Variants in MSRA observed in about 807,000 individuals in gnomAD.
MSRA encodes the protein mitochondrial peptide methionine sulfoxide reductase.
In MSRA, 54 loss-of-function variants were observed where a neutral mutation model predicts 31.3. The ratio of observed to expected loss-of-function variants is 1.73; its 90% CI spans 1.39 to 2.17. The LOEUF is 2.17. MSRA is among the 30% of genes most tolerant of loss of function. The pLI is 0.00. For missense variants in MSRA, 507 were observed against 300.9 expected, an observed-to-expected ratio of 1.69 and a Z score of -5.07; for synonymous variants, 169 against 116.5, an observed-to-expected ratio of 1.45 and a Z score of -2.90.
At chr8:10,114,228 C>A (rs563967916) in intron 1 of MSRA, among the ~76,000 whole-genome samples, 1 of 152,226 alleles carries the variant, frequency 6.6e-6, no homozygotes, top group South Asian at 2.1e-4. Context: ...AGTTGGTGGA[C>A]ATTTGGGTTC....
chr8:10,416,083 T>G (rs1686709713), intron 5 of MSRA, among the ~76,000 whole-genome samples: 1 of 152,136 alleles, frequency 6.6e-6, no homozygotes, highest in South Asian at 2.1e-4. Context: ...TTCTCCTGCC[T>G]GAGCCTGCTT....
At chr8:10,409,159 G>A (rs1237963036) in intron 5 of MSRA, among the ~76,000 whole-genome samples, 2 of 152,202 alleles carry the variant, frequency 1.3e-5, no homozygotes, top group Non-Finnish European at 2.9e-5. Context: ...TTTCCGTAGA[G>A]GTTGTGCTCA....
intron 1 of MSRA, among the ~76,000 whole-genome samples, chr8:10,060,428 T>A (rs140268892): frequency 1.3e-5 from 2 of 152,202 alleles, no homozygotes; most frequent in Admixed American, 1.3e-4. Flanking sequence ...AGAGAAACTT[T>A]GAAAGGATAG....
intron 1 of MSRA, among the ~76,000 whole-genome samples, chr8:10,165,882 A>C (rs1563172238): frequency 6.6e-6 from 1 of 152,124 alleles, no homozygotes; most frequent in Non-Finnish European, 1.5e-5. Flanking sequence ...GTGAGCAGTT[A>C]CCTTATCACC....
chr8:10,113,289 C>CCTTTTTTTTTTTTTTTT (rs1554447231), intron 1 of MSRA, among the ~76,000 whole-genome samples: 1 of 50,898 alleles, frequency 2.0e-5, no homozygotes, highest in Admixed American at 2.9e-4. Flanking sequence ...GAAGACAGGT[C>CCTTTTTTTTTTTTTTTT]TTCTTTTTTT....
At chr8:10,400,387 T>TGTGTAGC (rs879813648) in intron 5 of MSRA, among the ~76,000 whole-genome samples, 66,021 of 149,090 alleles carry the variant, frequency 0.44, 16,754 homozygotes, top group Non-Finnish European at 0.58. Flanking sequence ...GTGTGTGTAG[T>TGTGTAGC]GTGTAGTGTG....
At chr8:10,110,380 G>T (rs1037055743) in intron 1 of MSRA, among the ~76,000 whole-genome samples, 19 of 152,138 alleles carry the variant, frequency 1.2e-4, no homozygotes, top group African/African-American at 4.3e-4. Flanking sequence ...CTCCCATTTT[G>T]TTACCCACTA....
chr8:10,265,069 C>A (rs1398100761), intron 3 of MSRA, among the ~76,000 whole-genome samples: 2 of 152,164 alleles, frequency 1.3e-5, no homozygotes, highest in South Asian at 4.2e-4. Flanking sequence ...ATTGAGAGCT[C>A]TTGTTCACAT....
At chr8:10,386,130 A>G (rs1198498307) in intron 5 of MSRA, among the ~76,000 whole-genome samples, 6 of 152,180 alleles carry the variant, frequency 3.9e-5, no homozygotes, top group African/African-American at 1.4e-4. Flanking sequence ...ATTAAAATGA[A>G]TTATGAACAA....
At chr8:10,225,422 A>G (rs1396734731) in intron 2 of MSRA, among the ~76,000 whole-genome samples, 1 of 152,130 alleles carries the variant, frequency 6.6e-6, no homozygotes, top group Non-Finnish European at 1.5e-5. Flanking sequence ...CTGGTCTTGG[A>G]TTACTTGGGG....
At chr8:10,309,919 C>G (rs1309344088) in intron 4 of MSRA, among the ~76,000 whole-genome samples, 1 of 152,208 alleles carries the variant, frequency 6.6e-6, no homozygotes, top group African/African-American at 2.4e-5. Flanking sequence ...TTTCCAGGTG[C>G]ACTGTGGAGA....
At chr8:10,293,395 C>T (rs1044543155) in intron 3 of MSRA, among the ~76,000 whole-genome samples, 4 of 152,308 alleles carry the variant, frequency 2.6e-5, no homozygotes, top group Admixed American at 2.0e-4. Context: ...AGTCATCTGC[C>T]GTGACCGCTT....
chr8:10,211,798 G>A (rs915494368), intron 2 of MSRA, among the ~76,000 whole-genome samples: 10 of 152,174 alleles, frequency 6.6e-5, no homozygotes, highest in South Asian at 2.1e-4. Flanking sequence ...GTGACATTCC[G>A]TTGGCCACGG....
intron 1 of MSRA, among the ~76,000 whole-genome samples, chr8:10,104,078 G>A (rs374143053): frequency 1.2e-4 from 19 of 152,238 alleles, no homozygotes; most frequent in African/African-American, 4.1e-4. Flanking sequence ...TGGGTATGAG[G>A]CTGTAGAGTG....
chr8:10,423,357 C>G (rs1170716780), intron 5 of MSRA, among the ~76,000 whole-genome samples: 3 of 152,204 alleles, frequency 2.0e-5, no homozygotes, highest in Admixed American at 6.5e-5. Context: ...TGATCAGTAA[C>G]ACGCTACCTA....
chr8:10,379,259 C>T (rs1805918619), intron 5 of MSRA, among the ~76,000 whole-genome samples: 1 of 152,106 alleles, frequency 6.6e-6, no homozygotes, highest in Non-Finnish European at 1.5e-5. Flanking sequence ...CCTAACCTTC[C>T]CTGTAAGCCC....
chr8:10,212,439 A>G (rs530584209), intron 2 of MSRA, among the ~76,000 whole-genome samples: 121 of 152,316 alleles, frequency 7.9e-4, no homozygotes, highest in African/African-American at 2.8e-3. Context: ...ATGAACTTGG[A>G]TAGACAAAGT....
chr8:10,299,451 C>G (rs562362049), intron 3 of MSRA, among the ~76,000 whole-genome samples: 3 of 152,212 alleles, frequency 2.0e-5, no homozygotes, highest in African/African-American at 7.2e-5. Flanking sequence ...TTTTCCCAAA[C>G]TCTCCACTGT....
At chr8:10,404,958 C>G (rs927533920) in intron 5 of MSRA, among the ~76,000 whole-genome samples, 7 of 152,216 alleles carry the variant, frequency 4.6e-5, no homozygotes, top group Admixed American at 3.9e-4. Context: ...ACAGAACCCA[C>G]GATGGCCGAG....
Sources: gnomAD v4.1 joint callset for allele counts (sites outside exome capture counted in the v4.1 genomes callset) on GRCh38, gnomAD v4.1.1 for gene constraint, MANE v1.5 for transcripts, NCBI Gene and HGNC (gene_info 2026-07-23, HGNC 2026-07-21) for gene names.